The following CREB5 variants were observed in gnomAD, a reference collection of about 807,000 sequenced individuals.
CREB5 encodes the protein cyclic AMP-responsive element-binding protein 5.
A neutral mutation model predicts 57.1 loss-of-function variants in CREB5; 19 were observed. The observed-to-expected ratio is 0.33, with a 90% CI of 0.23 to 0.49. CREB5 has a LOEUF of 0.49. CREB5 is among the 20% of genes least tolerant of loss of function. The pLI, the probability that CREB5 is intolerant of heterozygous loss-of-function variation, is 0.99. For missense variants in CREB5, 579 were observed against 671.6 expected (o/e 0.86, Z 1.52); for synonymous variants, 238 against 238.3 (o/e 1.00, Z 0.01).
At chr7:28,336,151 A>G (rs1346711338) in intron 1 of CREB5, among the ~76,000 whole-genome samples, 3 of 152,042 alleles carry the variant, frequency 2.0e-5, no homozygotes, top group Admixed American at 6.5e-5. Flanking sequence ...ATTGGCCTGT[A>G]GTTTTATTTT....
At chr7:28,764,729 T>G (rs1473668766) in intron 7 of CREB5, among the ~76,000 whole-genome samples, 1 of 152,220 alleles carries the variant, frequency 6.6e-6, no homozygotes, top group Non-Finnish European at 1.5e-5. Flanking sequence ...AAAACTTGGG[T>G]CAGTTTTATA....
intron 5 of CREB5, among the ~76,000 whole-genome samples, chr7:28,696,283 A>G (rs567304952): frequency 7.2e-4 from 109 of 152,378 alleles, no homozygotes; most frequent in Admixed American, 1.2e-3. Context: ...GCTGGGGCTC[A>G]TATGTCTGCA....
At chr7:28,407,539 T>C (rs913307401), upstream of CREB5, among the ~76,000 whole-genome samples, 2 of 152,200 alleles carry the variant, frequency 1.3e-5, no homozygotes, top group Non-Finnish European at 2.9e-5. Context: ...CAGTTTACAT[T>C]TAGAAATGAT....
intron 1 of CREB5, among the ~76,000 whole-genome samples, chr7:28,396,786 T>C (rs893642635): frequency 6.6e-5 from 10 of 152,206 alleles, no homozygotes; most frequent in African/African-American, 2.2e-4. Context: ...CCCAGTAACA[T>C]TGCAAAAATA....
intron 1 of CREB5, among the ~76,000 whole-genome samples, chr7:28,362,778 C>G (rs1786513455): frequency 6.6e-6 from 1 of 152,140 alleles, no homozygotes; most frequent in Non-Finnish European, 1.5e-5. Context: ...ATCGGAAAAA[C>G]AAGCTTAGCA....
intron 5 of CREB5, among the ~76,000 whole-genome samples, chr7:28,635,050 G>A (rs1309555442): frequency 6.6e-6 from 1 of 152,148 alleles, no homozygotes; most frequent in East Asian, 1.9e-4. Context: ...TTTACTTGGG[G>A]CTGTTTATTC....
chr7:28,394,070 CA>C (rs56166148), intron 1 of CREB5, among the ~76,000 whole-genome samples: 2 of 52,998 alleles, frequency 3.8e-5, no homozygotes, highest in African/African-American at 2.1e-4. Flanking sequence ...GACTCTGTCT[CA>C]AAAAAAAAAA....
chr7:28,360,460 G>A (rs1448692195), intron 1 of CREB5, among the ~76,000 whole-genome samples: 1 of 152,138 alleles, frequency 6.6e-6, no homozygotes, highest in African/African-American at 2.4e-5. Flanking sequence ...AATAAGCCAG[G>A]CACAGAAAGA....
chr7:28,306,464 A>G (rs916350990), intron 1 of CREB5, among the ~76,000 whole-genome samples: 3 of 141,376 alleles, frequency 2.1e-5, no homozygotes, highest in Non-Finnish European at 4.7e-5. Flanking sequence ...TCCCAAATCA[A>G]AAATATTTTT....
intron 7 of CREB5, among the ~76,000 whole-genome samples, chr7:28,797,268 C>T (rs557190340): frequency 6.6e-6 from 1 of 152,210 alleles, no homozygotes; most frequent in South Asian, 2.1e-4. Context: ...TCTGAAATAC[C>T]ATCCTTACTC....
At chr7:28,426,600 G>A (rs1406188657) in intron 1 of CREB5, among the ~76,000 whole-genome samples, 1 of 152,184 alleles carries the variant, frequency 6.6e-6, no homozygotes, top group Admixed American at 6.5e-5. Flanking sequence ...TAGACATGCT[G>A]CATTCACTTC....
At chr7:28,657,941 G>A (rs1224245677) in intron 5 of CREB5, among the ~76,000 whole-genome samples, 2 of 152,078 alleles carry the variant, frequency 1.3e-5, no homozygotes, top group Non-Finnish European at 2.9e-5. Context: ...TGCACACAGA[G>A]AACACTGATT....
chr7:28,386,784 T>A (rs1787112624), intron 1 of CREB5, among the ~76,000 whole-genome samples: 1 of 152,226 alleles, frequency 6.6e-6, no homozygotes, highest in Non-Finnish European at 1.5e-5. Context: ...TTTTGACTAA[T>A]GTATTGTTAC....
rs1223454434 is a variant in CREB5 at position 28,327,608 on chromosome 7, A to T, written c.-25+28167A>T. The stretch of plus-strand genomic sequence containing the variant: ...CTTCCCACTTCTCCCATAATTGGGC[A>T]TTTCTGTTGCCTTTGCAATCTGATC... On this transcript the variant is annotated intron_variant, in intron 1 of 9. Coordinates refer to the CREB5 transcript ENST00000396299. 2.0e-5 allele frequency among the ~76,000 whole-genome samples: 3 copies of T among 152,188 alleles called. No individual in the cohort carries two copies. The South Asian group carries it at 6.2e-4, about 31-fold the overall frequency.
intron 5 of CREB5, among the ~76,000 whole-genome samples, chr7:28,671,915 T>G (rs1163237452): frequency 6.6e-6 from 1 of 152,212 alleles, no homozygotes; most frequent in Non-Finnish European, 1.5e-5. Context: ...ACTTTCTGGT[T>G]AGCTCTTATT....
chr7:28,408,610 C>T (rs1322016283), upstream of CREB5, among the ~76,000 whole-genome samples: 1 of 152,168 alleles, frequency 6.6e-6, no homozygotes, highest in Non-Finnish European at 1.5e-5. Flanking sequence ...AAATCAGGCT[C>T]ATCACTTGGC....
intron 7 of CREB5, among the ~76,000 whole-genome samples, chr7:28,788,079 G>A (rs1807441100): frequency 6.6e-6 from 1 of 152,148 alleles, no homozygotes; most frequent in South Asian, 2.1e-4. Context: ...TCATGGTTTA[G>A]TTAACCTGGC....
chr7:28,486,325 A>G (rs1791541769), intron 1 of CREB5, among the ~76,000 whole-genome samples: 1 of 152,022 alleles, frequency 6.6e-6, no homozygotes, highest in Admixed American at 6.6e-5. Context: ...AAGCTGTGAC[A>G]ATATACAAAG....
intron 1 of CREB5, among the ~76,000 whole-genome samples, chr7:28,406,810 C>T (rs577662119): frequency 2.0e-4 from 30 of 152,252 alleles, no homozygotes; most frequent in Admixed American, 1.5e-3. Flanking sequence ...GCTCTGCCAG[C>T]GCATTTGACA....
Sources: gnomAD v4.1 joint callset for allele counts (sites outside exome capture counted in the v4.1 genomes callset) on GRCh38, gnomAD v4.1.1 for gene constraint, MANE v1.5 for transcripts, NCBI Gene and HGNC (gene_info 2026-07-23, HGNC 2026-07-21) for gene names.